LRRFIP2: variants seen among roughly 807,000 people sequenced by gnomAD.
LRRFIP2 encodes leucine-rich repeat flightless-interacting protein 2.
LRRFIP2 carries 109 observed loss-of-function variants against 125.9 expected under a neutral mutation model. That is an observed-to-expected ratio of 0.87 (90% confidence interval 0.74 to 1.01). The LOEUF is 1.01. LRRFIP2 is among the 50% of genes least tolerant of loss of function. LRRFIP2 has a pLI of 0.00. For synonymous variants in LRRFIP2, 291 were observed against 293.1 expected (o/e 0.99, Z 0.07); for missense variants, 850 against 862.3 (o/e 0.99, Z 0.18).
At chr3:37,158,106 CA>C (rs2096247565) in intron 1 of LRRFIP2, among the ~76,000 whole-genome samples, 1 of 152,152 alleles carries the variant, frequency 6.6e-6, no homozygotes, top group South Asian at 2.1e-4. Context: ...ACTATTTCAT[CA>C]ACTGTGCAGA....
chr3:37,122,134 T>C (rs1022618910), intron 4 of LRRFIP2, among the ~76,000 whole-genome samples: 2 of 144,232 alleles, frequency 1.4e-5, no homozygotes, highest in Non-Finnish European at 3.0e-5. Context: ...GTTCTCATTG[T>C]TCAATTCCCA....
At chr3:37,133,976 G>A (rs1156910130) in intron 2 of LRRFIP2, among the ~76,000 whole-genome samples, 1 of 151,990 alleles carries the variant, frequency 6.6e-6, no homozygotes, top group Non-Finnish European at 1.5e-5. Flanking sequence ...AAATTCAGGA[G>A]TTCAACACCA....
intron 18 of LRRFIP2, among the ~76,000 whole-genome samples, chr3:37,085,465 G>C (rs1393050992): frequency 7.3e-5 from 11 of 151,456 alleles, no homozygotes; most frequent in Admixed American, 2.0e-4. Flanking sequence ...AGGTTGCAGT[G>C]AGCCAAGATC....
chr3:37,172,384 A>G, intron 1 of LRRFIP2, among the ~76,000 whole-genome samples: 1 of 152,230 alleles, frequency 6.6e-6, no homozygotes, highest in Non-Finnish European at 1.5e-5. Context: ...CTAAATACAA[A>G]AAGATCTTCA....
At chr3:37,173,716 A>G (rs1056124561) in intron 1 of LRRFIP2, among the ~76,000 whole-genome samples, 5 of 152,210 alleles carry the variant, frequency 3.3e-5, no homozygotes, top group African/African-American at 4.8e-5. Flanking sequence ...TTTTTTCTAT[A>G]TATCATCAAC....
At chr3:37,091,666 A>C in intron 17 of LRRFIP2, 128 bp from the exon 18 acceptor site, 1 of 660,198 alleles carries the variant, frequency 1.5e-6, no homozygotes. Flanking sequence ...TCAAAGTACA[A>C]AAACATAACT....
At chr3:37,165,873 A>G (rs1054943008) in intron 1 of LRRFIP2, among the ~76,000 whole-genome samples, 1 of 150,452 alleles carries the variant, frequency 6.6e-6, no homozygotes, top group Non-Finnish European at 1.5e-5. Flanking sequence ...GAAAGAAAGA[A>G]GAAAAAACTC....
chr3:37,148,980 C>T lies in LRRFIP2; in HGVS notation c.4G>A (p.Gly2Arg). 1 of 1,613,896 alleles carries T rather than the reference C, an allele frequency of 6.2e-7. No individual in the cohort carries two copies. The highest frequency in any genetic ancestry group is 8.5e-7 in the Non-Finnish European group (1 of 1,179,882). The change falls in exon 2 of 28, where the codon GGG (glycine) becomes AGG (arginine). Residue 2 changes from glycine to arginine, a missense_variant. Gly to Arg is a moderately radical substitution (Grantham distance 125, BLOSUM62 -2). Transcript: ENST00000336686. Reference sequence around the variant, plus strand: ...CTTTTCCTTCCAGAAGCAGGAGTCCCCATCTTGTGTTCTTAATAGTCTTTT... The same window carrying T: ...CTTTTCCTTCCAGAAGCAGGAGTCCTCATCTTGTGTTCTTAATAGTCTTTT... M[G>R]TPASGRKRTP... is the part of the protein sequence containing the mutation.
chr3:37,140,626 C>G (rs915184692), intron 2 of LRRFIP2, among the ~76,000 whole-genome samples: 17 of 147,416 alleles, frequency 1.2e-4, no homozygotes, highest in African/African-American at 4.3e-4. Context: ...GTGCTCTAAT[C>G]TGGGAGACAG....
Position 37,071,718 on chromosome 3 carries a change from C to G in LRRFIP2, c.1464+1072G>C, listed in dbSNP as rs146613089. ...ACAACTATTCCCTACTCCCCCTAAC[C>G]TTAAGCAGAACAAGACTTTTCTTAC... On this transcript the variant is annotated intron_variant, in intron 21 of 27. Transcript: ENST00000336686. Among the ~76,000 whole-genome samples, 417 of 152,294 alleles carry G rather than the reference C, an allele frequency of 2.7e-3. 1 individual carries two copies. The highest frequency in any genetic ancestry group is 5.4e-3 in the Admixed American group (83 of 15,296).
upstream of LRRFIP2, chr3:37,176,106 C>A (rs1266577589): frequency 3.3e-5 from 5 of 152,372 alleles, no homozygotes; most frequent in African/African-American, 1.2e-4. Flanking sequence ...CGGGAAGGGC[C>A]GAAGAGCTGC....
intron 2 of LRRFIP2, among the ~76,000 whole-genome samples, chr3:37,135,457 CAAA>C (rs368371557): frequency 5.1e-5 from 4 of 78,352 alleles, no homozygotes; most frequent in Admixed American, 1.5e-4. Context: ...GACTCAGTCT[CAAA>C]AAAAAAAAAA....
chr3:37,098,589 C>G (rs747536076), intron 15 of LRRFIP2, among the ~76,000 whole-genome samples: 50 of 151,808 alleles, frequency 3.3e-4, no homozygotes, highest in Non-Finnish European at 6.2e-4. Flanking sequence ...GATGGGGTTT[C>G]AACATGTTGG....
At chr3:37,131,981 T>C (rs2095438824) in intron 2 of LRRFIP2, among the ~76,000 whole-genome samples, 1 of 152,198 alleles carries the variant, frequency 6.6e-6, no homozygotes, top group South Asian at 2.1e-4. Flanking sequence ...TAAATTGTAA[T>C]CTACCAACCG....
At chr3:37,149,449 G>A (rs569444022) in intron 1 of LRRFIP2, among the ~76,000 whole-genome samples, 5 of 151,984 alleles carry the variant, frequency 3.3e-5, no homozygotes, top group Admixed American at 6.6e-5. Context: ...CCTAGGAGGC[G>A]GAGGTTGTAG....
At chr3:37,133,062 A>T (rs1471110769) in intron 2 of LRRFIP2, among the ~76,000 whole-genome samples, 1 of 151,936 alleles carries the variant, frequency 6.6e-6, no homozygotes, top group African/African-American at 2.4e-5. Flanking sequence ...CGTCTCTACT[A>T]AAAATGGAAA....
intron 24 of LRRFIP2, among the ~76,000 whole-genome samples, chr3:37,062,231 G>C (rs1226503009): frequency 6.6e-6 from 1 of 152,102 alleles, no homozygotes. Context: ...ATATAATATT[G>C]TCTGATGTCT....
chr3:37,111,095 C>A (rs1281571840), intron 8 of LRRFIP2, 30 bp from the exon 9 acceptor site: 1 of 1,589,244 alleles, frequency 6.3e-7, no homozygotes, highest in Non-Finnish European at 8.6e-7. Flanking sequence ...ACACATTTTT[C>A]TTAGGCTAAA....
chr3:37,108,252 A>G, intron 12 of LRRFIP2, 123 bp from the exon 13 acceptor site: 1 of 748,418 alleles, frequency 1.3e-6, no homozygotes, highest in East Asian at 2.7e-5. Context: ...ACTGTTATTC[A>G]GTGGTGTAGA....
Sources: allele counts gnomAD v4.1 joint callset (sites outside exome capture counted in the v4.1 genomes callset), GRCh38; gene constraint gnomAD v4.1.1; transcripts MANE v1.5; gene names NCBI Gene and HGNC (gene_info 2026-07-23, HGNC 2026-07-21).